Variants in CPO observed in about 807,000 individuals in gnomAD.
The protein encoded by CPO is carboxypeptidase O.
CPO carries 43 observed loss-of-function variants against 41.2 expected under a neutral mutation model. The ratio of observed to expected loss-of-function variants is 1.04; its 90% CI spans 0.82 to 1.35. The LOEUF (loss-of-function observed/expected upper bound fraction) is 1.35, where lower values mean the gene tolerates loss of function less well. CPO is among the 40% of genes most tolerant of loss of function. The pLI, the probability that CPO is intolerant of heterozygous loss-of-function variation, is 0.00. For missense variants in CPO, 408 were observed against 451.7 expected (o/e 0.90, Z 0.88); for synonymous variants, 178 against 162.7 (o/e 1.09, Z -0.72).
At chr2:206,958,620 A>T (rs932667818) in intron 4 of CPO, among the ~76,000 whole-genome samples, 1 of 149,972 alleles carries the variant, frequency 6.7e-6, no homozygotes, top group Non-Finnish European at 1.5e-5. Context: ...AATAATTTTT[A>T]TTGGAGGGTA....
At chr2:206,948,136 C>T (rs1161254639) in intron 1 of CPO, among the ~76,000 whole-genome samples, 1 of 152,194 alleles carries the variant, frequency 6.6e-6, no homozygotes, top group Non-Finnish European at 1.5e-5. Flanking sequence ...ATGATTATAG[C>T]AGCTTTATTC....
At chr2:206,941,676 T>TA (rs1274297635) in intron 1 of CPO, among the ~76,000 whole-genome samples, 2 of 152,126 alleles carry the variant, frequency 1.3e-5, no homozygotes, top group African/African-American at 2.4e-5. Flanking sequence ...GTTATTGATA[T>TA]AAAAAATAAT....
At chr2:206,957,015 T>G (rs567697529) in intron 3 of CPO, among the ~76,000 whole-genome samples, 1 of 152,272 alleles carries the variant, frequency 6.6e-6, no homozygotes, top group South Asian at 2.1e-4. Context: ...AATAAAGAGT[T>G]GCACATAATA....
chr2:206,957,375 CA>C lies in CPO; in HGVS notation c.268-911del, dbSNP rs201057516. ...TGGGTGACAGAGCGAGACTCTGTCT[CA>C]AAAAAAAAAAAAAAGAGAACATTAA... On this transcript the variant is annotated intron_variant, in intron 3 of 8. Transcript: ENST00000272852. Among the ~76,000 whole-genome samples the C allele has an allele frequency of 6.9e-3, 697 of 101,460 alleles. 3 individuals carry two copies. Among genetic ancestry groups the C allele is most frequent in the African/African-American group, 0.02 (474 of 23,750 alleles). The allele number at this position is 101,460 out of a possible 152,430, so 66.6% of individuals were successfully genotyped here.
In CPO at chr2:206,939,647, T is replaced by C; in HGVS notation, c.48T>C (p.Pro16=). The change falls in exon 1 of 9, where the codon CCT becomes CCC. Residue 16 remains proline, a synonymous_variant. Coordinates refer to ENST00000272852, the MANE Select transcript of CPO (RefSeq NM_173077.3). ...ETLYLLGMLV[P]GGLGYDRSLA... ...TTTATCTTTTGGGGATGCTGGTTCC[T>C]GGAGGGCTGGGATATGATAGGTGAG... 1 of 1,611,100 alleles carries C rather than the reference T, an allele frequency of 6.2e-7. No individual in the cohort carries two copies. The highest frequency in any genetic ancestry group is 1.3e-5 in the African/African-American group (1 of 74,900).
chr2:206,940,014 T>C (rs1158469322), intron 1 of CPO, among the ~76,000 whole-genome samples: 1 of 152,134 alleles, frequency 6.6e-6, no homozygotes, highest in African/African-American at 2.4e-5. Flanking sequence ...ATCCTAATTA[T>C]TAAGAAAAAT....
chr2:206,953,151 A>G (rs1287820459), intron 2 of CPO, among the ~76,000 whole-genome samples: 3 of 152,186 alleles, frequency 2.0e-5, no homozygotes, highest in Admixed American at 1.3e-4. Context: ...CCCAAATCTC[A>G]TGTCATCACA....
chr2:206,942,292 A>G (rs1693044720), intron 1 of CPO, among the ~76,000 whole-genome samples: 1 of 152,144 alleles, frequency 6.6e-6, no homozygotes, highest in Admixed American at 6.6e-5. Context: ...GGAAGGAAAC[A>G]TGCCAAAATA....
chr2:206,939,744 A>G (rs886329900), intron 1 of CPO, 77 bp downstream of exon 1: 7 of 1,270,564 alleles, frequency 5.5e-6, no homozygotes, highest in Admixed American at 3.6e-5. Context: ...TTTAAGACCA[A>G]TGCAGCTGGC....
At chr2:206,958,845 G>A (rs989827134) in intron 4 of CPO, among the ~76,000 whole-genome samples, 2 of 144,724 alleles carry the variant, frequency 1.4e-5, no homozygotes, top group Admixed American at 7.2e-5. Flanking sequence ...GGGTTCAAGC[G>A]ATTCTCCTGC....
intron 1 of CPO, among the ~76,000 whole-genome samples, chr2:206,943,760 A>AGAT (rs1411524670): frequency 6.8e-6 from 1 of 146,344 alleles, no homozygotes; most frequent in East Asian, 2.1e-4. Context: ...ATAGATAGAT[A>AGAT]GATAGATAGA....
intron 2 of CPO, among the ~76,000 whole-genome samples, chr2:206,954,449 T>C (rs887429443): frequency 1.3e-5 from 2 of 152,150 alleles, no homozygotes; most frequent in Non-Finnish European, 2.9e-5. Flanking sequence ...CTCATCTCCA[T>C]CTGAGACCAG....
chr2:206,943,392 G>T (rs1388445417), intron 1 of CPO, among the ~76,000 whole-genome samples: 1 of 152,050 alleles, frequency 6.6e-6, no homozygotes, highest in Non-Finnish European at 1.5e-5. Context: ...CTCTTCATTT[G>T]CTTCATTCCC....
intron 4 of CPO, among the ~76,000 whole-genome samples, chr2:206,958,728 GTTTTT>G (rs752377148): frequency 2.9e-3 from 155 of 53,324 alleles, no homozygotes; most frequent in African/African-American, 0.01. Flanking sequence ...AAATTTTCTA[GTTTTT>G]TTTTTTTTTT....
intron 4 of CPO, among the ~76,000 whole-genome samples, chr2:206,959,085 T>A (rs945171691): frequency 2.6e-5 from 4 of 152,166 alleles, no homozygotes; most frequent in Non-Finnish European, 5.9e-5. Flanking sequence ...AAATAACTAC[T>A]TCATGGGTCT....
At chr2:206,949,554 C>T (rs1559070003) in intron 1 of CPO, 63 bp from the exon 2 acceptor site, 27 of 1,232,440 alleles carry the variant, frequency 2.2e-5, no homozygotes, top group South Asian at 1.8e-4. Flanking sequence ...TTCAACAACC[C>T]GCCAACCCTC....
chr2:206,951,093 G>C (rs545128624), intron 2 of CPO, among the ~76,000 whole-genome samples: 103 of 135,608 alleles, frequency 7.6e-4, no homozygotes, highest in Middle Eastern at 4.0e-3. Flanking sequence ...AAAAAAAAGG[G>C]GTGGAACCAA....
intron 1 of CPO, among the ~76,000 whole-genome samples, chr2:206,945,966 T>A (rs13401282): frequency 0.049 from 6,983 of 143,000 alleles, 476 homozygotes; most frequent in African/African-American, 0.16. Context: ...TTAAAAAAAT[T>A]TTTTTAAATT....
Position 206,960,957 on chromosome 2 carries a change from A to G in CPO, c.574+15A>G, listed in dbSNP as rs369583141. ...ATCTTGGTGTAGTAAGTACATGCTTAGTAGATGAATTATGAACAAATAAAG... is the reference window on the plus strand; with the variant it reads ...ATCTTGGTGTAGTAAGTACATGCTTGGTAGATGAATTATGAACAAATAAAG... On this transcript the variant is annotated intron_variant, in intron 6 of 8. Coordinates refer to ENST00000272852, the MANE Select transcript of CPO (RefSeq NM_173077.3). 29 of 1,487,562 alleles carry G rather than the reference A, an allele frequency of 1.9e-5. No individual in the cohort carries two copies. Among genetic ancestry groups the G allele is most frequent in the Non-Finnish European group, 2.5e-5 (27 of 1,064,518 alleles). The allele number at this position is 1,487,562 out of a possible 1,614,324, so 92.1% of individuals were successfully genotyped here. A position where few individuals can be genotyped will look rare whatever the true frequency, so the allele number is the denominator to read the frequency against.
Sources: gnomAD v4.1 joint callset for allele counts (sites outside exome capture counted in the v4.1 genomes callset) on GRCh38, gnomAD v4.1.1 for gene constraint, MANE v1.5 for transcripts, NCBI Gene and HGNC (gene_info 2026-07-23, HGNC 2026-07-21) for gene names.